ALDH3A2: variants seen among roughly 807,000 people sequenced by gnomAD.
The protein encoded by ALDH3A2 is aldehyde dehydrogenase family 3 member A2.
A neutral mutation model predicts 51.3 loss-of-function variants in ALDH3A2; 36 were observed. That is an observed-to-expected ratio of 0.70 (90% CI 0.54 to 0.93). The LOEUF is 0.93. Ranked by LOEUF, ALDH3A2 falls within the 40% of genes least tolerant of loss-of-function variation. The pLI, the probability that ALDH3A2 is intolerant of heterozygous loss-of-function variation, is 0.00. For synonymous variants in ALDH3A2, 199 were observed against 219.8 expected (o/e 0.91, Z 0.84); for missense variants, 552 against 603.1 (o/e 0.92, Z 0.89).
At position 19,654,267 on chromosome 17, in the gene ALDH3A2, C is replaced by T. The variant is rs555883421; in HGVS notation, c.471+1635C>T. ...TGGCTTTGCCTAGTGGATCCCACGC[C>T]GGGGCTGTGGGTGGAGCTGCCCATC... On this transcript the variant is annotated intron_variant, in intron 3 of 9. Coordinates refer to ENST00000176643, the MANE Select transcript of ALDH3A2 (RefSeq NM_000382.3). The surrounding 1 kb of genome is among the most constrained non-coding windows in gnomAD (Gnocchi z 4.5). Among the ~76,000 whole-genome samples the T allele has an allele frequency of 6.6e-5, 10 of 152,380 alleles. No homozygotes were observed. The highest frequency in any genetic ancestry group is 3.9e-4 in the East Asian group (2 of 5,184).
intron 3 of ALDH3A2, chr17:19,655,243 T>A (rs927355954): frequency 2.0e-5 from 3 of 152,224 alleles, no homozygotes; most frequent in African/African-American, 7.2e-5. Flanking sequence ...TTGAGGCCAG[T>A]TCTGGTTCTT....
intron 9 of ALDH3A2, chr17:19,675,349 G>T (rs2085173245): frequency 1.6e-6 from 1 of 609,260 alleles, no homozygotes; most frequent in Non-Finnish European, 2.9e-6. Context: ...TATTGTTATT[G>T]TTGTTTTTTG....
intron 8 of ALDH3A2, among the ~76,000 whole-genome samples, chr17:19,671,020 CAT>C (rs1007179011): frequency 6.6e-6 from 1 of 152,230 alleles, no homozygotes; most frequent in African/African-American, 2.4e-5. Flanking sequence ...TTATATCACA[CAT>C]GCCATTCCCT....
chr17:19,665,575 G>A (rs1490002789), intron 8 of ALDH3A2, among the ~76,000 whole-genome samples: 1 of 152,110 alleles, frequency 6.6e-6, no homozygotes, highest in Non-Finnish European at 1.5e-5. Context: ...TGTGATTTGA[G>A]TAAAACGGGA....
chr17:19,671,610 TG>T, intron 8 of ALDH3A2, 110 bp from the exon 9 acceptor site: 1 of 919,932 alleles, frequency 1.1e-6, no homozygotes, highest in Non-Finnish European at 1.8e-6. Flanking sequence ...AGATGTTCAG[TG>T]GGGTTCCCAG....
chr17:19,662,489 G>C (rs1178504893), intron 6 of ALDH3A2, among the ~76,000 whole-genome samples: 2 of 152,180 alleles, frequency 1.3e-5, no homozygotes, highest in African/African-American at 4.8e-5. Context: ...TGACGAGCCA[G>C]TTTCTTACTT....
chr17:19,653,565 G>A (rs112305054), intron 3 of ALDH3A2, among the ~76,000 whole-genome samples: 3 of 151,554 alleles, frequency 2.0e-5, no homozygotes, highest in Non-Finnish European at 2.9e-5. Context: ...TTAAGGCGGC[G>A]CATCTGGAGT....
rs886052699 is a variant in ALDH3A2, at chr17:19,677,360, C to G, written c.*1788C>G. The G allele has an allele frequency of 6.6e-6, 1 of 152,142 alleles. No homozygotes were observed. The highest frequency in any genetic ancestry group is 2.1e-4 in the South Asian group (1 of 4,828). The allele number at this position is 152,142 out of a possible 1,614,324, so 9.4% of individuals were successfully genotyped here. On this transcript the variant is annotated 3_prime_UTR_variant, in exon 10 of 10. Transcript: ENST00000176643. ...GAAAAAGCTGCTTAAAACTGTGGCT[C>G]TAAGAGAGTAATCATAAAATACCTT...
chr17:19,657,443 T>G (rs764939537), intron 4 of ALDH3A2, among the ~76,000 whole-genome samples: 1 of 152,310 alleles, frequency 6.6e-6, no homozygotes, highest in Non-Finnish European at 1.5e-5. Context: ...GGAAAGGACA[T>G]TGGGAGGCTG....
chr17:19,652,532 T>C lies in ALDH3A2; in HGVS notation c.386-15T>C, dbSNP rs768157810. 3.1e-6 allele frequency: 5 copies of C among 1,598,028 alleles called. No homozygotes were observed. Among genetic ancestry groups the C allele is most frequent in the Non-Finnish European group, 4.3e-6 (5 of 1,165,688 alleles). On this transcript the variant is annotated splice_polypyrimidine_tract_variant and intron_variant, in intron 2 of 9. Transcript: ENST00000176643. ...AAATATTAGATGATACTGTTCTACT[T>C]TTTACTTTATTTAGGAAATGCTGTG...
chr17:19,651,001 A>C (rs1346292122), intron 1 of ALDH3A2, among the ~76,000 whole-genome samples: 1 of 152,230 alleles, frequency 6.6e-6, no homozygotes, highest in African/African-American at 2.4e-5. Flanking sequence ...TCATACTTGA[A>C]GAACTAAATG....
chr17:19,675,260 T>G (rs1269083669), intron 9 of ALDH3A2: 3 of 383,746 alleles, frequency 7.8e-6, no homozygotes, highest in African/African-American at 6.1e-5. Flanking sequence ...GTTAGTACTC[T>G]CATCTTCTGT....
chr17:19,670,557 C>T (rs1050571284), intron 8 of ALDH3A2, among the ~76,000 whole-genome samples: 1 of 150,280 alleles, frequency 6.7e-6, no homozygotes, highest in Non-Finnish European at 1.5e-5. Context: ...TCGCCCCTCC[C>T]TTATTCTTTT....
At chr17:19,663,987 T>C (rs2085002697) in intron 7 of ALDH3A2, among the ~76,000 whole-genome samples, 1 of 152,230 alleles carries the variant, frequency 6.6e-6, no homozygotes, top group Non-Finnish European at 1.5e-5. Flanking sequence ...CTGCATCACC[T>C]GGTTGAGCAG....
In ALDH3A2 at chr17:19,656,453, A is replaced by G. The variant is rs1311437195; in HGVS notation, c.559A>G (p.Thr187Ala). 1 of 1,614,206 alleles carries G rather than the reference A, an allele frequency of 6.2e-7. No individual in the cohort carries two copies. The highest frequency in any genetic ancestry group is 1.7e-5 in the Admixed American group (1 of 60,028). ...RFDHIFYTGN[T>A]AVGKIVMEAA... ...TGACCACATTTTCTATACGGGAAACACTGCGGTTGGCAAAATTGTCATGGA... is the reference window on the plus strand; with the variant it reads ...TGACCACATTTTCTATACGGGAAACGCTGCGGTTGGCAAAATTGTCATGGA... Residue 187 changes from threonine (T) to alanine (A), a missense_variant, in exon 4 of 10, where the codon ACT (threonine) becomes GCT (alanine). Physicochemically the swap from Thr to Ala is moderately conservative, Grantham distance 58 (BLOSUM62 0). Transcript: ENST00000176643.
upstream of ALDH3A2, chr17:19,648,383 T>TG (rs1567594893): frequency 2.0e-5 from 3 of 152,782 alleles, no homozygotes; most frequent in Admixed American, 2.0e-4. Context: ...AGCCACAAAA[T>TG]GGAGGAGGGA....
rs183077284 is a variant in ALDH3A2, at chr17:19,658,584, G to A, written c.798+722G>A. ...TACTAAAAATACAAAAAAATCAGCC[G>A]GGGATGGTGGTGCATGTCTGTAATT... On this transcript the variant is annotated intron_variant, in intron 5 of 9. Transcript: ENST00000176643. Among the ~76,000 whole-genome samples, 330 of 151,926 alleles carry A rather than the reference G, an allele frequency of 2.2e-3. 1 individual carries two copies. Among genetic ancestry groups the A allele is most frequent in the Middle Eastern group, 6.8e-3 (2 of 294 alleles).
intron 3 of ALDH3A2, among the ~76,000 whole-genome samples, chr17:19,653,345 G>T (rs1157856053): frequency 2.0e-5 from 3 of 152,146 alleles, no homozygotes; most frequent in African/African-American, 7.2e-5. Context: ...ATGCCCATGT[G>T]TCTGGAATTG....
chr17:19,668,030 T>C (rs898173451), intron 8 of ALDH3A2, among the ~76,000 whole-genome samples: 1 of 152,224 alleles, frequency 6.6e-6, no homozygotes, highest in African/African-American at 2.4e-5. Flanking sequence ...AAGGGTCTCA[T>C]TTCAATTTGT....
Sources: gnomAD v4.1 joint callset for allele counts (sites outside exome capture counted in the v4.1 genomes callset) on GRCh38, gnomAD v4.1.1 for gene constraint, Gnocchi (gnomAD v3.1) non-coding constraint, MANE v1.5 for transcripts, NCBI Gene and HGNC (gene_info 2026-07-23, HGNC 2026-07-21) for gene names.